DYNLT5: variants seen among roughly 807,000 people sequenced by gnomAD.
The protein encoded by DYNLT5 is dynein light chain Tctex-type family member 5.
Under a neutral mutation model 19.3 loss-of-function variants are expected in DYNLT5, and 25 were observed. The observed-to-expected ratio is 1.30, with a 90% confidence interval of 0.95 to 1.81. The LOEUF (loss-of-function observed/expected upper bound fraction) is 1.81. Among genes scored for constraint, DYNLT5 ranks in the 40% most tolerant of loss-of-function variants. DYNLT5 has a pLI of 0.00. For synonymous variants in DYNLT5, 82 were observed against 68.9 expected (o/e 1.19, Z -0.94); for missense variants, 232 against 217.9 (o/e 1.06, Z -0.41).
At chr1:66,772,697 A>T (rs1437975406) in intron 3 of DYNLT5, among the ~76,000 whole-genome samples, 1 of 152,200 alleles carries the variant, frequency 6.6e-6, no homozygotes, top group Non-Finnish European at 1.5e-5. Flanking sequence ...ACACATCTTA[A>T]ATGAGAGCAT....
intron 2 of DYNLT5, among the ~76,000 whole-genome samples, chr1:66,766,654 A>C (rs1210081074): frequency 6.6e-6 from 1 of 152,174 alleles, no homozygotes; most frequent in East Asian, 1.9e-4. Flanking sequence ...TTTCTCAAGG[A>C]ATAAATATCT....
Position 66,776,356 on chromosome 1 carries a change from G to A in DYNLT5, c.289G>A (p.Glu97Lys), listed in dbSNP as rs1645234843. 1.9e-6 allele frequency: 3 copies of A among 1,613,296 alleles called. No individual in the cohort carries two copies. The highest frequency in any genetic ancestry group is 2.5e-6 in the Non-Finnish European group (3 of 1,179,596). ...AGTAACCAGCTATCTACAAGTAGAA[G>A]AATATGAACCAGAGCTCTGTAGACA... Reference protein sequence around the residue: ...DVVTSYLQVEEYEPELCRQMT... With the variant: ...DVVTSYLQVEKYEPELCRQMT... The change falls in exon 4 of 5, where the codon GAA (glutamate) becomes AAA (lysine). Residue 97 changes from glutamate to lysine, a missense_variant. Glu to Lys is a moderately conservative substitution (Grantham distance 56). Coordinates refer to ENST00000282670, the MANE Select transcript of DYNLT5 (RefSeq NM_152665.3).
In DYNLT5 at chr1:66,770,248, C is replaced by T. The variant is rs181497929; in HGVS notation, c.120-139C>T. 8.9e-5 allele frequency: 55 copies of T among 615,696 alleles called. No individual in the cohort carries two copies. The East Asian group carries it at 1.5e-3, about 17-fold the overall frequency. The allele number at this position is 615,696 out of a possible 1,614,324, so 38.1% of individuals were successfully genotyped here. On this transcript the variant is annotated intron_variant, in intron 2 of 4. Coordinates refer to ENST00000282670, the MANE Select transcript of DYNLT5 (RefSeq NM_152665.3). ...AAAATGTTTTGGACTTTCAATATGC[C>T]ACTAGGATATTTACATAAGACTTAC...
intron 2 of DYNLT5, among the ~76,000 whole-genome samples, chr1:66,765,054 C>A (rs1045455868): frequency 1.3e-5 from 2 of 152,132 alleles, no homozygotes; most frequent in Admixed American, 1.3e-4. Context: ...ACCAGTACTT[C>A]CCACTGTGCC....
At chr1:66,754,231 C>T (rs112636668) in intron 1 of DYNLT5, among the ~76,000 whole-genome samples, 2,503 of 152,236 alleles carry the variant, frequency 0.016, 78 homozygotes, top group African/African-American at 0.058. Flanking sequence ...CAGAACAAGA[C>T]CCTGTCTCAA....
At chr1:66,768,988 A>C (rs1180057611) in intron 2 of DYNLT5, among the ~76,000 whole-genome samples, 1 of 152,238 alleles carries the variant, frequency 6.6e-6, no homozygotes, top group African/African-American at 2.4e-5. Context: ...AAAATGAGAT[A>C]ATTTATGGGA....
rs535759001 is a variant in DYNLT5 at position 66,771,563 on chromosome 1, T to C, written c.211+1085T>C. On this transcript the variant is annotated intron_variant, in intron 3 of 4. Transcript: ENST00000282670. ...TAAAGCCCTGAAACTTGAAGGAATG[T>C]AGGGGCTCTGGCAGGATCTGCCACC... 5.9e-5 allele frequency among the ~76,000 whole-genome samples: 9 copies of C among 152,346 alleles called. No homozygotes were observed. In the South Asian group the frequency reaches 1.7e-3, roughly 28 times the overall value.
rs2094636429 is a variant in DYNLT5, at chr1:66,756,597, T to TTC, written c.119+1820_119+1821insTC. Among the ~76,000 whole-genome samples the TTC allele has an allele frequency of 2.6e-5, 4 of 152,344 alleles. No homozygotes were observed. The East Asian group carries it at 5.8e-4, about 22-fold the overall frequency. On this transcript the variant is annotated intron_variant, in intron 2 of 4. Coordinates refer to ENST00000282670, the MANE Select transcript of DYNLT5 (RefSeq NM_152665.3). Reference sequence around the variant, plus strand: ...ATTCTGAAGTTTATTAAGGACTGAATACATTATCTCACTGAATCTCCCCCG... The same window carrying TTC: ...ATTCTGAAGTTTATTAAGGACTGAATTCACATTATCTCACTGAATCTCCCCCG...
At chr1:66,766,838 T>C (rs1480247366) in intron 2 of DYNLT5, among the ~76,000 whole-genome samples, 1 of 152,298 alleles carries the variant, frequency 6.6e-6, no homozygotes, top group Middle Eastern at 3.4e-3. Context: ...CAGTCAGCCT[T>C]CCAAGGCACA....
At chr1:66,757,978 C>G (rs12037056) in intron 2 of DYNLT5, among the ~76,000 whole-genome samples, 24,222 of 152,132 alleles carry the variant, frequency 0.16, 2,760 homozygotes, top group South Asian at 0.44. Flanking sequence ...CCAAAAATAT[C>G]TGCTATTTGG....
chr1:66,774,969 A>G (rs1240151931), intron 3 of DYNLT5: 2 of 152,248 alleles, frequency 1.3e-5, no homozygotes, highest in Non-Finnish European at 2.9e-5. Flanking sequence ...AAGAGAATTG[A>G]ATAGAATTCT....
At chr1:66,776,542 CATAT>C (rs35979624) in intron 4 of DYNLT5, 139 bp downstream of exon 4, 27 of 990,168 alleles carry the variant, frequency 2.7e-5, no homozygotes, top group East Asian at 5.5e-5. Flanking sequence ...TCATATTCTA[CATAT>C]ATGTGTGTGT....
intron 3 of DYNLT5, among the ~76,000 whole-genome samples, chr1:66,771,436 G>C (rs1645203980): frequency 6.6e-6 from 1 of 152,218 alleles, no homozygotes; most frequent in African/African-American, 2.4e-5. Context: ...TTTATAGATA[G>C]AGCAGTGACT....
chr1:66,768,085 A>G (rs1369505875), intron 2 of DYNLT5, among the ~76,000 whole-genome samples: 1 of 152,242 alleles, frequency 6.6e-6, no homozygotes, highest in African/African-American at 2.4e-5. Context: ...TCTTTATAAT[A>G]GTAGAATATT....
At chr1:66,772,632 C>T (rs1645210397) in intron 3 of DYNLT5, among the ~76,000 whole-genome samples, 1 of 152,178 alleles carries the variant, frequency 6.6e-6, no homozygotes, top group Non-Finnish European at 1.5e-5. Context: ...CAATCACCAG[C>T]ACTATTATGT....
chr1:66,775,384 C>T (rs947333246), intron 3 of DYNLT5: 5 of 152,080 alleles, frequency 3.3e-5, no homozygotes, highest in Admixed American at 1.3e-4. Context: ...GTAGCAACGG[C>T]TTAATAAAAA....
At position 66,764,458 on chromosome 1, in the gene DYNLT5, C is replaced by T. The variant is rs190017163; in HGVS notation, c.120-5929C>T. On this transcript the variant is annotated intron_variant, in intron 2 of 4. Transcript: ENST00000282670. Reference sequence around the variant, plus strand: ...AAATAGGAAGACCCAAAGAGAGAGACATGGGAAATGGCTGGTCAGTGGAGA... The same window carrying T: ...AAATAGGAAGACCCAAAGAGAGAGATATGGGAAATGGCTGGTCAGTGGAGA... Among the ~76,000 whole-genome samples, 905 of 152,280 alleles carry T rather than the reference C, an allele frequency of 5.9e-3. 9 individuals are homozygous for T. Among genetic ancestry groups the T allele is most frequent in the African/African-American group, 0.02 (848 of 41,550 alleles).
chr1:66,776,222 G>A (rs1479873120), intron 3 of DYNLT5, 57 bp from the exon 4 acceptor site: 12 of 1,582,818 alleles, frequency 7.6e-6, no homozygotes, highest in Non-Finnish European at 1.0e-5. Flanking sequence ...AGCCTATGGG[G>A]TGGGTGGGTG....
intron 2 of DYNLT5, among the ~76,000 whole-genome samples, chr1:66,762,015 A>G (rs6697073): frequency 0.12 from 18,487 of 152,178 alleles, 1,191 homozygotes; most frequent in South Asian, 0.16. Flanking sequence ...CAGTGTTCAC[A>G]GCATCTTCAC....
Sources: gnomAD v4.1 joint callset for allele counts (sites outside exome capture counted in the v4.1 genomes callset) on GRCh38, gnomAD v4.1.1 for gene constraint, MANE v1.5 for transcripts, NCBI Gene and HGNC (gene_info 2026-07-23, HGNC 2026-07-21) for gene names.